ABCD2: variants seen among roughly 807,000 people sequenced by gnomAD.
ABCD2 encodes ATP-binding cassette sub-family D member 2.
ABCD2 carries 36 observed loss-of-function variants against 70.9 expected under a neutral mutation model. The ratio of observed to expected loss-of-function variants is 0.51; its 90% CI spans 0.39 to 0.67. ABCD2 has a LOEUF of 0.67. Ranked by LOEUF, ABCD2 falls within the 30% of genes least tolerant of loss-of-function variation. The pLI, the probability that ABCD2 is intolerant of heterozygous loss-of-function variation, is 0.00. For synonymous variants in ABCD2, 304 were observed against 306.9 expected, an observed-to-expected ratio of 0.99 and a Z score of 0.10; for missense variants, 729 against 890.2, an observed-to-expected ratio of 0.82 and a Z score of 2.30.
intron 9 of ABCD2, among the ~76,000 whole-genome samples, chr12:39,556,308 C>T (rs1322570737): frequency 6.6e-6 from 1 of 152,108 alleles, no homozygotes; most frequent in Non-Finnish European, 1.5e-5. Flanking sequence ...CATCCCCACC[C>T]AAAATCTCAT....
At chr12:39,560,904 CG>C (rs1941247431) in intron 9 of ABCD2, among the ~76,000 whole-genome samples, 1 of 151,572 alleles carries the variant, frequency 6.6e-6, no homozygotes, top group African/African-American at 2.4e-5. Flanking sequence ...CTGTAGTAGA[CG>C]CACTAAAAAT....
rs1458478176 is a variant in ABCD2 at position 39,619,390 on chromosome 12, GT to G, written c.225del (p.Lys75AsnfsTer6). 1 of 1,614,012 alleles carries G rather than the reference GT, an allele frequency of 6.2e-7. No homozygotes were observed. Among genetic ancestry groups the G allele is most frequent in the Admixed American group, 1.7e-5 (1 of 60,018 alleles). On this transcript the variant is annotated frameshift_variant, in exon 1 of 10. Transcript: ENST00000308666. LOFTEE classifies it high-confidence loss of function. ...ILHCTETICE[K>X]PSPGVNADFF... ...AAATCTGCATTCACTCCAGGCGAAG[GT>G]TTTTCACAAATGGTCTCGGTGCAAT...
At chr12:39,567,257 C>T (rs1319573925) in intron 9 of ABCD2, among the ~76,000 whole-genome samples, 1 of 152,084 alleles carries the variant, frequency 6.6e-6, no homozygotes, top group African/African-American at 2.4e-5. Flanking sequence ...TATTATTGTG[C>T]AGGAGTCTAA....
intron 6 of ABCD2, among the ~76,000 whole-genome samples, chr12:39,588,864 CA>C (rs1443574467): frequency 1.3e-5 from 2 of 151,932 alleles, no homozygotes; most frequent in Non-Finnish European, 2.9e-5. Flanking sequence ...AATAAATAGA[CA>C]TGGCAACTAA....
intron 9 of ABCD2, among the ~76,000 whole-genome samples, chr12:39,558,529 G>A (rs1283135601): frequency 6.6e-6 from 1 of 152,160 alleles, no homozygotes; most frequent in Non-Finnish European, 1.5e-5. Flanking sequence ...GGAGGCAATT[G>A]GATCATGATG....
chr12:39,560,162 G>T (rs551435573), intron 9 of ABCD2, among the ~76,000 whole-genome samples: 2 of 152,128 alleles, frequency 1.3e-5, no homozygotes, highest in African/African-American at 4.8e-5. Flanking sequence ...TCTCCCTGCT[G>T]CCCCCACCCC....
Position 39,551,600 on chromosome 12 carries a change from C to G in ABCD2, c.*2312G>C, listed in dbSNP as rs564666826. ...AAAATAAATTCAGAAAACAAATAGG[C>G]ACAAAAAGCTCATGGAAAACATGTG... On this transcript the variant is annotated 3_prime_UTR_variant, in exon 10 of 10. Transcript: ENST00000308666. 5 of 151,752 alleles carry G rather than the reference C, an allele frequency of 3.3e-5. No homozygotes were observed. Among genetic ancestry groups the G allele is most frequent in the Admixed American group, 3.3e-4 (5 of 15,242 alleles). The allele number at this position is 151,752 out of a possible 1,614,324, so 9.4% of individuals were successfully genotyped here.
downstream of ABCD2, among the ~76,000 whole-genome samples, chr12:39,546,262 G>T (rs1476083710): frequency 6.7e-6 from 1 of 149,770 alleles, no homozygotes; most frequent in Non-Finnish European, 1.5e-5. Flanking sequence ...TTCATTCTCA[G>T]AAATTAACCT....
At chr12:39,581,309 A>T (rs1221392488) in intron 7 of ABCD2, among the ~76,000 whole-genome samples, 2 of 152,138 alleles carry the variant, frequency 1.3e-5, no homozygotes, top group African/African-American at 4.8e-5. Context: ...ATATATGAAA[A>T]ATTATCAATA....
chr12:39,606,606 TTA>T (rs1244133960), intron 3 of ABCD2, among the ~76,000 whole-genome samples: 7 of 152,222 alleles, frequency 4.6e-5, no homozygotes, highest in African/African-American at 7.2e-5. Flanking sequence ...ATTATCAAAA[TTA>T]CTATTTGAAC....
chr12:39,543,296 T>G, the ABCD2 span, among the ~76,000 whole-genome samples: 1 of 152,196 alleles, frequency 6.6e-6, no homozygotes, highest in Admixed American at 6.5e-5. Flanking sequence ...AGCGTGACAT[T>G]TGGACCCTTG....
rs373167313 is a variant in ABCD2, at chr12:39,586,332, A to G, written c.1647-35T>C. The G allele has an allele frequency of 1.4e-4, 219 of 1,593,670 alleles. 1 individual carries two copies. The East Asian group carries it at 3.4e-3, about 24-fold the overall frequency. ...ACCAAGCACACAAGAATCCTAGTGGAAAGTCATGATAACTTACTCAGTGTG... is the reference window on the plus strand; with the variant it reads ...ACCAAGCACACAAGAATCCTAGTGGGAAGTCATGATAACTTACTCAGTGTG... On this transcript the variant is annotated intron_variant, in intron 6 of 9. Coordinates refer to ENST00000308666, the MANE Select transcript of ABCD2 (RefSeq NM_005164.4).
chr12:39,600,626 A>C lies in ABCD2; in HGVS notation c.1591T>G (p.Tyr531Asp). The C allele has an allele frequency of 6.2e-7, 1 of 1,612,978 alleles. No individual in the cohort carries two copies. The highest frequency in any genetic ancestry group is 8.5e-7 in the Non-Finnish European group (1 of 1,179,442). ...GGTGGTTTATAGAGGACTCCTTCAT[A>C]CACAGGCCAGAGCCCACTTAGAATT... ...FRILSGLWPV[Y>D]EGVLYKPPPQ... is the part of the protein sequence containing the mutation. Residue 531 changes from tyrosine to aspartate, a missense_variant, in exon 6 of 10, where the codon TAT (tyrosine) becomes GAT (aspartate). Coordinates refer to ENST00000308666, the MANE Select transcript of ABCD2 (RefSeq NM_005164.4).
chr12:39,591,380 C>T (rs560841369), intron 6 of ABCD2, among the ~76,000 whole-genome samples: 1 of 152,140 alleles, frequency 6.6e-6, no homozygotes, highest in South Asian at 2.1e-4. Flanking sequence ...TGAGAATAGC[C>T]TCTTAAGAGC....
At chr12:39,587,112 A>G (rs1566562165) in intron 6 of ABCD2, among the ~76,000 whole-genome samples, 1 of 152,220 alleles carries the variant, frequency 6.6e-6, no homozygotes, top group African/African-American at 2.4e-5. Flanking sequence ...AAGATGCATG[A>G]GGTTATTCAT....
In ABCD2 at chr12:39,552,191, G is replaced by T. The variant is rs866659820; in HGVS notation, c.*1721C>A. 1 of 151,860 alleles carries T rather than the reference G, an allele frequency of 6.6e-6. No homozygotes were observed. Among genetic ancestry groups the T allele is most frequent in the African/African-American group, 2.4e-5 (1 of 41,406 alleles). 9.4% of individuals were successfully genotyped at this position (151,860 alleles called of 1,614,324 possible). Reference sequence around the variant, plus strand: ...TATATTGCATTCCTTCATGTAAGTTGGTTACATTTATTGAAAATTAAAAAT... The same window carrying T: ...TATATTGCATTCCTTCATGTAAGTTTGTTACATTTATTGAAAATTAAAAAT... On this transcript the variant is annotated 3_prime_UTR_variant, in exon 10 of 10. Transcript: ENST00000308666.
intron 3 of ABCD2, among the ~76,000 whole-genome samples, chr12:39,605,848 C>T (rs1334078787): frequency 6.6e-6 from 1 of 152,100 alleles, no homozygotes; most frequent in East Asian, 1.9e-4. Context: ...ACAATGCTGA[C>T]ATTTGTGTAA....
chr12:39,536,117 G>C, the ABCD2 span, among the ~76,000 whole-genome samples: 1 of 152,106 alleles, frequency 6.6e-6, no homozygotes, highest in Non-Finnish European at 1.5e-5. Context: ...ATAAAATAAA[G>C]AATGAATGAA....
intron 6 of ABCD2, among the ~76,000 whole-genome samples, chr12:39,589,384 GTTTTT>G (rs397850115): frequency 2.4e-5 from 3 of 125,120 alleles, no homozygotes; most frequent in African/African-American, 9.3e-5. Context: ...TTTGGTCTGG[GTTTTT>G]TTTTTTTTTT....
Sources: allele counts gnomAD v4.1 joint callset (sites outside exome capture counted in the v4.1 genomes callset), GRCh38; gene constraint gnomAD v4.1.1; transcripts MANE v1.5; gene names NCBI Gene and HGNC (gene_info 2026-07-23, HGNC 2026-07-21).